Variants in SLC38A7 observed in about 807,000 individuals in gnomAD.
SLC38A7 encodes the protein solute carrier family 38 member 7.
Under a neutral mutation model 50.1 loss-of-function variants are expected in SLC38A7, and 29 were observed. That is an observed-to-expected ratio of 0.58 (90% CI 0.43 to 0.79). The LOEUF is 0.79. SLC38A7 is among the 30% of genes least tolerant of loss of function. SLC38A7 has a pLI of 0.00. For synonymous variants in SLC38A7, 244 were observed against 245.9 expected (o/e 0.99, Z 0.07); for missense variants, 483 against 610.6 (o/e 0.79, Z 2.20).
chr16:58,683,932 C>G (rs542985008), intron 2 of SLC38A7, 23 bp downstream of exon 2: 1 of 152,498 alleles, frequency 6.6e-6, no homozygotes, highest in South Asian at 2.1e-4. Flanking sequence ...TGGCAAATTA[C>G]TCAGCTCATT....
rs2044308351 is a variant in SLC38A7 at position 58,678,155 on chromosome 16, A to T, written c.611+178T>A. Among the ~76,000 whole-genome samples, 1 of 152,114 alleles carries T rather than the reference A, an allele frequency of 6.6e-6. No homozygotes were observed. Among genetic ancestry groups the T allele is most frequent in the Non-Finnish European group, 1.5e-5 (1 of 68,028 alleles). On this transcript the variant is annotated intron_variant, in intron 5 of 11. Transcript: ENST00000219320. The surrounding 1 kb of genome is among the most constrained non-coding windows in gnomAD (Gnocchi z 4.0). ...CTCATGGATGCATCCTTTTTCTATGATGGAGACAGAAAAGGATGGTCTTAT... is the reference window on the plus strand; with the variant it reads ...CTCATGGATGCATCCTTTTTCTATGTTGGAGACAGAAAAGGATGGTCTTAT...
Position 58,680,013 on chromosome 16 carries a change from C to T in SLC38A7, c.114G>A (p.Glu38=), listed in dbSNP as rs2044356043. 1.2e-6 allele frequency: 2 copies of T among 1,611,266 alleles called. No homozygotes were observed. Among genetic ancestry groups the T allele is most frequent in the East Asian group, 4.5e-5 (2 of 44,832 alleles). Residue 38 remains glutamate, a synonymous_variant, in exon 3 of 12, where the codon GAG becomes GAA. Transcript: ENST00000219320. ...SPCVDTAPKS[E]WEASPGGLDR... The stretch of plus-strand genomic sequence containing the variant: ...CCAGACCCCCAGGAGAGGCTTCCCA[C>T]TCACTCTTGGGGGCTGTGTCCACAC...
intron 8 of SLC38A7, chr16:58,675,365 AT>A: frequency 2.4e-6 from 1 of 424,142 alleles, no homozygotes; most frequent in Admixed American, 2.7e-5. Flanking sequence ...AAAAAAAAAA[AT>A]TAGCTGGGCA....
rs141368324 is a variant in SLC38A7 at position 58,678,365 on chromosome 16, G to T, written c.579C>A (p.Ile193=). The T allele has an allele frequency of 8.8e-6, 14 of 1,593,286 alleles. No individual in the cohort carries two copies. The highest frequency in any genetic ancestry group is 1.3e-5 in the African/African-American group (1 of 74,284). ...ATTTCTGGAAACCAATCTCCCTGGGGATGGAGAGGGGCAGGATGAAGAGGA... is the reference window on the plus strand; with the variant it reads ...ATTTCTGGAAACCAATCTCCCTGGGTATGGAGAGGGGCAGGATGAAGAGGA... The part of the protein sequence containing the change: ...TAFLFILPLS[I]PREIGFQKYA... The change falls in exon 5 of 12, where the codon ATC becomes ATA. Residue 193 remains isoleucine (I), a synonymous_variant. Transcript: ENST00000219320. The surrounding 1 kb of genome is among the most constrained non-coding windows in gnomAD (Gnocchi z 4.0).
chr16:58,671,893 C>T, intron 9 of SLC38A7: 2 of 504,856 alleles, frequency 4.0e-6, no homozygotes. Context: ...TTACAGGACT[C>T]ACGGAATGTT....
intron 2 of SLC38A7, among the ~76,000 whole-genome samples, chr16:58,683,130 C>A (rs1382248719): frequency 6.6e-6 from 1 of 151,094 alleles, no homozygotes; most frequent in East Asian, 2.0e-4. Flanking sequence ...CCTGCTGCCT[C>A]GGCCTCCCAA....
At chr16:58,677,700 A>T (rs2044299522) in intron 5 of SLC38A7, 1 of 437,728 alleles carries the variant, frequency 2.3e-6, no homozygotes, top group Non-Finnish European at 4.2e-6. Context: ...TGCAGAGAGC[A>T]GAGCTCCAAA....
At chr16:58,676,174 A>G in intron 7 of SLC38A7, 115 bp downstream of exon 7, 2 of 1,559,258 alleles carry the variant, frequency 1.3e-6, no homozygotes, top group Non-Finnish European at 1.8e-6. Flanking sequence ...CCCCTGTTCC[A>G]TCCTTCCCCC....
intron 2 of SLC38A7, chr16:58,683,525 C>T (rs527782940): frequency 1.9e-4 from 29 of 152,424 alleles, no homozygotes; most frequent in African/African-American, 7.0e-4. Context: ...TCCTCTTACA[C>T]ATCCTGTCAC....
At chr16:58,677,671 C>T in intron 5 of SLC38A7, 1 of 504,530 alleles carries the variant, frequency 2.0e-6, no homozygotes, top group East Asian at 3.6e-5. Flanking sequence ...GCTGGTTCAG[C>T]TCCATGGCTC....
chr16:58,670,446 C>T (rs1448850922), intron 10 of SLC38A7, among the ~76,000 whole-genome samples: 2 of 152,240 alleles, frequency 1.3e-5, no homozygotes, highest in African/African-American at 4.8e-5. Flanking sequence ...CCCCAGGGGT[C>T]TTCCTAGTAC....
At chr16:58,672,302 C>T in intron 8 of SLC38A7, 59 bp from the exon 9 acceptor site, 1 of 1,519,578 alleles carries the variant, frequency 6.6e-7, no homozygotes. Context: ...GTGGACTGTC[C>T]ACTCCTCCTA....
intron 11 of SLC38A7, among the ~76,000 whole-genome samples, chr16:58,668,310 C>G (rs1462033967): frequency 6.6e-6 from 1 of 152,142 alleles, no homozygotes; most frequent in Non-Finnish European, 1.5e-5. Flanking sequence ...TATGGTGGCT[C>G]ACGCCTGTAA....
chr16:58,680,257 G>T lies in SLC38A7; in HGVS notation c.-115-16C>A. ...TCTTCTCAACCTAGATGGGACAAAG[G>T]CAGGCACTACTGTTATCCTAAGATG... On this transcript the variant is annotated splice_polypyrimidine_tract_variant and intron_variant, in intron 2 of 11. Coordinates refer to ENST00000219320, the MANE Select transcript of SLC38A7 (RefSeq NM_018231.3). 9.7e-7 allele frequency: 1 copy of T among 1,031,510 alleles called. No individual in the cohort carries two copies. The highest frequency in any genetic ancestry group is 1.3e-6 in the Non-Finnish European group (1 of 769,030). 63.9% of individuals were successfully genotyped at this position (1,031,510 alleles called of 1,614,324 possible). A position where few individuals can be genotyped will look rare whatever the true frequency, so the allele number is the denominator to read the frequency against.
intron 2 of SLC38A7, 88 bp from the exon 3 acceptor site, chr16:58,680,329 T>G: frequency 1.9e-6 from 1 of 530,664 alleles, no homozygotes; most frequent in Admixed American, 3.8e-5. Flanking sequence ...CAAGATCACA[T>G]GGGTAGGGTC....
rs371501635 is a variant in SLC38A7 at position 58,678,308 on chromosome 16, C to T, written c.611+25G>A. The T allele has an allele frequency of 1.3e-6, 2 of 1,521,274 alleles. No homozygotes were observed. Among genetic ancestry groups the T allele is most frequent in the East Asian group, 4.6e-5 (2 of 43,664 alleles). 94.2% of individuals were successfully genotyped at this position (1,521,274 alleles called of 1,614,324 possible). On this transcript the variant is annotated intron_variant, in intron 5 of 11. Transcript: ENST00000219320. This position sits in a 1 kb window ranked among gnomAD's most constrained non-coding sequence, Gnocchi z 4.0. Reference sequence around the variant, plus strand: ...AGCTGCCCAGGATCATAGCTTCTGTCTGACCCAGGCTGGGGCCTCCAAACC... The same window carrying T: ...AGCTGCCCAGGATCATAGCTTCTGTTTGACCCAGGCTGGGGCCTCCAAACC...
chr16:58,672,957 C>T lies in SLC38A7; in HGVS notation c.884-714G>A, dbSNP rs2044186513. On this transcript the variant is annotated intron_variant, in intron 8 of 11. Transcript: ENST00000219320. ...TTTTTATTTTTTTGAGATGGAGTTT[C>T]ACTCTTGTTGCCCAGGCTGGCACGC... Among the ~76,000 whole-genome samples the T allele has an allele frequency of 3.3e-5, 5 of 151,910 alleles. No homozygotes were observed. In the South Asian group the frequency reaches 1.0e-3, roughly 32 times the overall value.
Position 58,671,090 on chromosome 16 carries a change from A to C in SLC38A7, c.1186T>G (p.Ser396Ala), listed in dbSNP as rs773744363. 6.2e-7 allele frequency: 1 copy of C among 1,613,282 alleles called. No individual in the cohort carries two copies. Among genetic ancestry groups the C allele is most frequent in the South Asian group, 1.1e-5 (1 of 90,930 alleles). Residue 396 changes from serine (S) to alanine (A), a missense_variant, in exon 10 of 12, where the codon TCA (serine) becomes GCA (alanine). Physicochemically the swap from Ser to Ala is moderately conservative, Grantham distance 99 (BLOSUM62 1). Coordinates refer to ENST00000219320, the MANE Select transcript of SLC38A7 (RefSeq NM_018231.3). ...CAGGCGGCCAGGCCTCCAATGACTG[A>C]GATCACCTTGCCGATGTCAGGGATG... ...LFIPDIGKVI[S>A]VIGGLAACFI...
chr16:58,671,027 G>A lies in SLC38A7; in HGVS notation c.1231+18C>T. The A allele has an allele frequency of 6.4e-7, 1 of 1,566,124 alleles. No individual in the cohort carries two copies. The highest frequency in any genetic ancestry group is 8.6e-7 in the Non-Finnish European group (1 of 1,156,152). ...TCTGTGCTGTGGGGCTGTGAGATGG[G>A]GCGCCAGGGGTCCGCACCTGGGAAG... On this transcript the variant is annotated intron_variant, in intron 10 of 11. Coordinates refer to ENST00000219320, the MANE Select transcript of SLC38A7 (RefSeq NM_018231.3).
Sources: allele counts gnomAD v4.1 joint callset (sites outside exome capture counted in the v4.1 genomes callset), GRCh38; gene constraint gnomAD v4.1.1; non-coding constraint Gnocchi (gnomAD v3.1); transcripts MANE v1.5; gene names NCBI Gene and HGNC (gene_info 2026-07-23, HGNC 2026-07-21).